The following ESCO2 variants were observed in gnomAD, a reference collection of about 807,000 sequenced individuals.
ESCO2 encodes the protein N-acetyltransferase ESCO2.
Under a neutral mutation model 61.7 loss-of-function variants are expected in ESCO2, and 51 were observed. That is an observed-to-expected ratio of 0.83 (90% CI 0.66 to 1.04). The LOEUF is 1.04. ESCO2 is among the 50% of genes least tolerant of loss of function. ESCO2 has a pLI of 0.00. For missense variants in ESCO2, 692 were observed against 686.2 expected (o/e 1.01, Z -0.09); for synonymous variants, 230 against 238.2 (o/e 0.97, Z 0.32).
intron 3 of ESCO2, chr8:27,779,948 A>T: frequency 2.2e-6 from 1 of 447,106 alleles, no homozygotes; most frequent in Non-Finnish European, 4.1e-6. Flanking sequence ...TACAGGCATG[A>T]GCCACCGGGC....
chr8:27,814,532 A>T (rs538096250), downstream of ESCO2, among the ~76,000 whole-genome samples: 56 of 152,128 alleles, frequency 3.7e-4, 1 homozygote, highest in African/African-American at 1.3e-3. Flanking sequence ...ATTTCTGCTC[A>T]TAGCTTTATT....
downstream of ESCO2, among the ~76,000 whole-genome samples, chr8:27,807,925 A>G (rs147675233): frequency 9.9e-3 from 1,513 of 152,248 alleles, 19 homozygotes; most frequent in African/African-American, 0.034. Flanking sequence ...TCCACCATGT[A>G]AAGACACAGC....
chr8:27,798,891 A>G (rs1585408970), intron 9 of ESCO2, among the ~76,000 whole-genome samples: 1 of 152,314 alleles, frequency 6.6e-6, no homozygotes, highest in Middle Eastern at 3.4e-3. Flanking sequence ...GGATGTGACT[A>G]TAATGAGGAA....
intron 9 of ESCO2, among the ~76,000 whole-genome samples, chr8:27,793,956 A>G (rs374921822): frequency 3.9e-5 from 6 of 152,112 alleles, no homozygotes; most frequent in South Asian, 2.1e-4. Flanking sequence ...TATGAAGTCA[A>G]CTTCTTTAGA....
intron 5 of ESCO2, among the ~76,000 whole-genome samples, chr8:27,787,334 T>G (rs1464552413): frequency 2.6e-5 from 4 of 152,042 alleles, no homozygotes; most frequent in South Asian, 2.1e-4. Context: ...TTTTGTTTTT[T>G]TTTTTTCCTT....
chr8:27,800,246 C>CT (rs565603471), intron 10 of ESCO2, among the ~76,000 whole-genome samples: 84 of 152,250 alleles, frequency 5.5e-4, no homozygotes, highest in Non-Finnish European at 1.1e-3. Flanking sequence ...AATCATTTGT[C>CT]TAAGGGTCTA....
At chr8:27,808,124 T>A (rs1415099220), downstream of ESCO2, 6 of 573,044 alleles carry the variant, frequency 1.0e-5, no homozygotes, top group African/African-American at 8.2e-5. Context: ...TAGCATTTTT[T>A]TATATATAGT....
chr8:27,778,812 G>C (rs1165072166), intron 3 of ESCO2: 1 of 152,164 alleles, frequency 6.6e-6, no homozygotes, highest in East Asian at 1.9e-4. Context: ...GGGAAGCTGG[G>C]CTTTTGTGCA....
At chr8:27,806,827 G>C (rs1337373451), downstream of ESCO2, among the ~76,000 whole-genome samples, 3 of 152,052 alleles carry the variant, frequency 2.0e-5, no homozygotes. Flanking sequence ...TGTTGGCCAG[G>C]CTGGTCTTTA....
chr8:27,802,299 T>C (rs1469268566), intron 10 of ESCO2, among the ~76,000 whole-genome samples: 1 of 151,684 alleles, frequency 6.6e-6, no homozygotes, highest in East Asian at 1.9e-4. Flanking sequence ...GATGTTTACA[T>C]TGAAAAAATA....
Position 27,776,947 on chromosome 8 carries a change from T to G in ESCO2, c.639T>G (p.Val213=). ...TCCAGGGTGGAGCAGCATTTTTTGT[T>G]AGAAAAAAATCTTCTCTTAGAAAAT... ...VTLQGGAAFF[V]RKKSSLRKSS... Residue 213 remains valine, a synonymous_variant, in exon 3 of 11, where the codon GTT becomes GTG. Coordinates refer to ENST00000305188, the MANE Select transcript of ESCO2 (RefSeq NM_001017420.3). 2 of 1,612,814 alleles carry G rather than the reference T, an allele frequency of 1.2e-6. No individual in the cohort carries two copies. Among genetic ancestry groups the G allele is most frequent in the Non-Finnish European group, 1.7e-6 (2 of 1,179,720 alleles).
At chr8:27,806,458 A>T (rs569584468), downstream of ESCO2, among the ~76,000 whole-genome samples, 1 of 152,124 alleles carries the variant, frequency 6.6e-6, no homozygotes, top group Non-Finnish European at 1.5e-5. Flanking sequence ...TCTTCGGTCT[A>T]TTATTGGACT....
At chr8:27,772,602 G>T (rs950411931), upstream of ESCO2, 9 of 1,513,650 alleles carry the variant, frequency 5.9e-6, no homozygotes, top group Non-Finnish European at 8.1e-6. Context: ...ACGAAGCTCA[G>T]GATACCAGAC....
chr8:27,785,199 G>C (rs1237567881), intron 5 of ESCO2, among the ~76,000 whole-genome samples: 20 of 152,240 alleles, frequency 1.3e-4, no homozygotes, highest in Non-Finnish European at 8.8e-5. Flanking sequence ...AGAGAGCTTG[G>C]CTTGCAGCCT....
At chr8:27,798,904 A>T (rs895022410) in intron 9 of ESCO2, among the ~76,000 whole-genome samples, 3 of 152,202 alleles carry the variant, frequency 2.0e-5, no homozygotes, top group African/African-American at 4.8e-5. Context: ...ATGAGGAAGA[A>T]GATCTTTGTG....
At chr8:27,806,682 C>T (rs989099698), downstream of ESCO2, among the ~76,000 whole-genome samples, 2 of 150,482 alleles carry the variant, frequency 1.3e-5, no homozygotes, top group Admixed American at 6.6e-5. Flanking sequence ...TGCATTGGCA[C>T]TATCTTGGCT....
Position 27,788,955 on chromosome 8 carries a change from T to C in ESCO2, c.1240T>C (p.Phe414Leu), listed in dbSNP as rs777472772. Residue 414 changes from phenylalanine (F) to leucine (L), a missense_variant, in exon 7 of 11, where the codon TTT becomes CTT. Transcript: ENST00000305188. ...GCAGCATGTACAGCATCACCACAGG[T>C]TTCTGGAAGGAATCAAATATGTGGT... is the stretch of plus-strand genomic sequence containing the variant. ...EMQHVQHHHR[F>L]LEGIKYVGWK... is the part of the protein sequence containing the mutation. 3.1e-6 allele frequency: 5 copies of C among 1,614,000 alleles called. No individual in the cohort carries two copies. The African/African-American group carries it at 6.7e-5, about 22-fold the overall frequency.
chr8:27,802,177 T>G (rs1448160961), intron 10 of ESCO2, among the ~76,000 whole-genome samples: 1 of 151,684 alleles, frequency 6.6e-6, no homozygotes, highest in Admixed American at 6.6e-5. Context: ...CTGTAGGAGA[T>G]GTTGAATTCT....
chr8:27,779,982 G>A, intron 3 of ESCO2, 192 bp from the exon 4 acceptor site: 2 of 534,092 alleles, frequency 3.7e-6, no homozygotes, highest in Admixed American at 3.2e-5. Context: ...GGCTTTAAAG[G>A]TAATGTACGC....
Sources: gnomAD v4.1 joint callset for allele counts (sites outside exome capture counted in the v4.1 genomes callset) on GRCh38, gnomAD v4.1.1 for gene constraint, MANE v1.5 for transcripts, NCBI Gene and HGNC (gene_info 2026-07-23, HGNC 2026-07-21) for gene names.